The following PLCH1 variants were observed in gnomAD, a reference collection of about 807,000 sequenced individuals.
The protein encoded by PLCH1 is 1-phosphatidylinositol 4,5-bisphosphate phosphodiesterase eta-1.
PLCH1 carries 60 observed loss-of-function variants against 126.7 expected under a neutral mutation model. That is an observed-to-expected ratio of 0.47 (90% confidence interval 0.38 to 0.59). PLCH1 has a LOEUF of 0.59. Ranked by LOEUF, PLCH1 falls within the 20% of genes least tolerant of loss-of-function variation. The probability of loss-of-function intolerance (pLI) is 0.00; values close to 1 mark genes in which losing one functional copy is unlikely to be tolerated. For missense variants in PLCH1, 1,723 were observed against 2,040.0 expected (o/e 0.84, Z 2.99); for synonymous variants, 719 against 734.9 (o/e 0.98, Z 0.35).
At chr3:155,561,319 T>C (rs1176443018) in intron 8 of PLCH1, among the ~76,000 whole-genome samples, 3 of 132,510 alleles carry the variant, frequency 2.3e-5, no homozygotes. Flanking sequence ...GAGTGTGATG[T>C]TCCCCTTCCT....
Position 155,497,434 on chromosome 3 carries a change from G to C in PLCH1, c.1797-17C>G. The C allele has an allele frequency of 6.5e-7, 1 of 1,547,086 alleles. No individual in the cohort carries two copies. On this transcript the variant is annotated splice_polypyrimidine_tract_variant and intron_variant, in intron 14 of 22. Coordinates refer to ENST00000460012, the MANE Select transcript of PLCH1 (RefSeq NM_014996.4). ...CGACCCAATCTGTGAAGTACCCACA[G>C]AGGATGCATGACATTTTGGAGTTGA...
chr3:155,596,457 A>C, intron 2 of PLCH1, 79 bp from the exon 3 acceptor site: 2 of 1,216,602 alleles, frequency 1.6e-6, no homozygotes, highest in African/African-American at 1.5e-5. Flanking sequence ...AGTCAAATAA[A>C]ACCTCTGATT....
intron 2 of PLCH1, among the ~76,000 whole-genome samples, chr3:155,599,531 A>G (rs1733447271): frequency 6.6e-6 from 1 of 152,218 alleles, no homozygotes; most frequent in Admixed American, 6.5e-5. Flanking sequence ...ACTTTGATCC[A>G]CCAGCAATGA....
chr3:155,622,525 T>C (rs1736650216), intron 2 of PLCH1, among the ~76,000 whole-genome samples: 1 of 151,552 alleles, frequency 6.6e-6, no homozygotes, highest in African/African-American at 2.4e-5. Context: ...CCATCTCACA[T>C]GCAAAAGACA....
chr3:155,473,618 G>C (rs1713385684), intron 21 of PLCH1, among the ~76,000 whole-genome samples: 1 of 151,836 alleles, frequency 6.6e-6, no homozygotes, highest in South Asian at 2.1e-4. Context: ...GCATCGCCAA[G>C]GAAATCCTAA....
intron 1 of PLCH1, among the ~76,000 whole-genome samples, chr3:155,711,185 G>A (rs1031905260): frequency 9.2e-5 from 14 of 152,150 alleles, no homozygotes; most frequent in African/African-American, 3.4e-4. Context: ...AGCCATGTAA[G>A]TGTGTAGAGG....
At chr3:155,731,953 A>G (rs921535829) in intron 1 of PLCH1, among the ~76,000 whole-genome samples, 67 of 145,376 alleles carry the variant, frequency 4.6e-4, no homozygotes, top group African/African-American at 1.7e-3. Flanking sequence ...ACTGCACTCT[A>G]TCCAGCCTGG....
intron 2 of PLCH1, among the ~76,000 whole-genome samples, chr3:155,625,566 G>A (rs1454788016): frequency 6.6e-6 from 1 of 152,096 alleles, no homozygotes; most frequent in Non-Finnish European, 1.5e-5. Context: ...AGTGGGCAAA[G>A]GATATTAACA....
chr3:155,682,039 T>C (rs540283973), intron 2 of PLCH1, among the ~76,000 whole-genome samples: 2 of 152,214 alleles, frequency 1.3e-5, no homozygotes, highest in African/African-American at 2.4e-5. Context: ...AGGGTAGCAC[T>C]ATCCATTATT....
chr3:155,704,044 C>T (rs1746471936), intron 2 of PLCH1, 102 bp downstream of exon 2: 3 of 460,432 alleles, frequency 6.5e-6, no homozygotes, highest in Non-Finnish European at 1.1e-5. Context: ...CTCTTGGTTC[C>T]ATCCAACAAT....
At chr3:155,456,188 G>A (rs1159720048) in intron 21 of PLCH1, among the ~76,000 whole-genome samples, 1 of 152,074 alleles carries the variant, frequency 6.6e-6, no homozygotes, top group East Asian at 1.9e-4. Context: ...TCCCCTGAAT[G>A]TCCTCCTTCT....
chr3:155,649,170 G>A (rs192928730), intron 2 of PLCH1, among the ~76,000 whole-genome samples: 2 of 152,270 alleles, frequency 1.3e-5, no homozygotes, highest in Non-Finnish European at 2.9e-5. Flanking sequence ...GACCAGGGCA[G>A]TACTGAGATA....
intron 1 of PLCH1, among the ~76,000 whole-genome samples, chr3:155,744,464 G>T (rs746608724): frequency 3.3e-5 from 5 of 152,198 alleles, no homozygotes; most frequent in Non-Finnish European, 5.9e-5. Flanking sequence ...GCGTCTGGCG[G>T]TCAGAGAGAG....
chr3:155,511,568 C>G (rs542446011), intron 12 of PLCH1, among the ~76,000 whole-genome samples: 1 of 134,782 alleles, frequency 7.4e-6, no homozygotes, highest in African/African-American at 3.2e-5. Flanking sequence ...AGTTTTCCTT[C>G]TAACAGACAG....
At chr3:155,709,887 G>A (rs1432951232) in intron 1 of PLCH1, among the ~76,000 whole-genome samples, 2 of 152,104 alleles carry the variant, frequency 1.3e-5, no homozygotes, top group Non-Finnish European at 2.9e-5. Flanking sequence ...CAAAGTACTG[G>A]GATTACAGAT....
intron 2 of PLCH1, among the ~76,000 whole-genome samples, chr3:155,627,856 C>G (rs914568947): frequency 6.6e-6 from 1 of 151,612 alleles, no homozygotes; most frequent in African/African-American, 2.4e-5. Flanking sequence ...CAACCTCCAC[C>G]TCCTGAGTTC....
chr3:155,587,771 A>G (rs1406993219), intron 4 of PLCH1, among the ~76,000 whole-genome samples: 1 of 152,212 alleles, frequency 6.6e-6, no homozygotes, highest in African/African-American at 2.4e-5. Flanking sequence ...TGCAGATGAA[A>G]TGGTAACACA....
intron 1 of PLCH1, among the ~76,000 whole-genome samples, chr3:155,733,956 T>TATATATATATATATATATATGCACTC (rs1748962415): frequency 1.0e-5 from 1 of 96,192 alleles, no homozygotes; most frequent in South Asian, 2.9e-4. Flanking sequence ...TATATATATA[T>TATATATATATATATATATATGCACTC]ATATATATAT....
At chr3:155,731,452 T>C (rs1748765698) in intron 1 of PLCH1, among the ~76,000 whole-genome samples, 1 of 152,064 alleles carries the variant, frequency 6.6e-6, no homozygotes. Flanking sequence ...AGCTCCTGGC[T>C]CAACCCTGAA....
Sources: allele counts gnomAD v4.1 joint callset (sites outside exome capture counted in the v4.1 genomes callset), GRCh38; gene constraint gnomAD v4.1.1; transcripts MANE v1.5; gene names NCBI Gene and HGNC (gene_info 2026-07-23, HGNC 2026-07-21).